GNB4: variants seen among roughly 807,000 people sequenced by gnomAD.
GNB4 encodes the protein guanine nucleotide-binding protein subunit beta-4.
Under a neutral mutation model 45.2 loss-of-function variants are expected in GNB4, and 28 were observed. That is an observed-to-expected ratio of 0.62 (90% confidence interval 0.46 to 0.85). The LOEUF (loss-of-function observed/expected upper bound fraction) is 0.85. Ranked by LOEUF, GNB4 falls within the 40% of genes least tolerant of loss-of-function variation. The pLI is 0.00. For missense variants in GNB4, 321 were observed against 425.4 expected (o/e 0.75, Z 2.16); for synonymous variants, 132 against 143.7 (o/e 0.92, Z 0.58).
chr3:179,492,391 G>A, the GNB4 span, among the ~76,000 whole-genome samples: 1 of 152,152 alleles, frequency 6.6e-6, no homozygotes. Flanking sequence ...CTGCTGTGCT[G>A]CATGCCAAAC....
At chr3:179,511,339 T>C in the GNB4 span, among the ~76,000 whole-genome samples, 2 of 152,344 alleles carry the variant, frequency 1.3e-5, no homozygotes, top group South Asian at 4.1e-4. Flanking sequence ...TCTGATATAC[T>C]CCCTACCCAG....
chr3:179,471,047 T>C, the GNB4 span, among the ~76,000 whole-genome samples: 1 of 151,542 alleles, frequency 6.6e-6, no homozygotes, highest in Admixed American at 6.6e-5. Flanking sequence ...GGCGTTGTGG[T>C]GGGTGCCTGT....
the GNB4 span, among the ~76,000 whole-genome samples, chr3:179,484,662 G>A: frequency 1.3e-5 from 2 of 151,744 alleles, no homozygotes; most frequent in Non-Finnish European, 2.9e-5. Flanking sequence ...CTTAGGCATA[G>A]TGCTGAAGGG....
rs1234481767 is a variant in GNB4 at position 179,399,080 on chromosome 3, CT to C, written c.*2132del. 6.6e-6 allele frequency: 1 copy of C among 152,152 alleles called. No homozygotes were observed. Among genetic ancestry groups the C allele is most frequent in the East Asian group, 1.9e-4 (1 of 5,200 alleles). 9.4% of individuals were successfully genotyped at this position (152,152 alleles called of 1,614,324 possible). ...TCTTCTGACTAACCTACATGGCAAA[CT>C]TTCCCCAACCCTCTTTTTCTGGAAA... On this transcript the variant is annotated 3_prime_UTR_variant, in exon 10 of 10. Coordinates refer to ENST00000232564, the MANE Select transcript of GNB4 (RefSeq NM_021629.4).
chr3:179,403,789 C>T (rs972617781), intron 9 of GNB4, among the ~76,000 whole-genome samples: 1 of 138,344 alleles, frequency 7.2e-6, no homozygotes, highest in Non-Finnish European at 1.6e-5. Flanking sequence ...CAGAGCAAGA[C>T]TCCGTCTCAA....
rs1714798283 is a variant in GNB4 at position 179,416,351 on chromosome 3, CAA to C, written c.267+140_267+141del. 1.0e-5 allele frequency: 6 copies of C among 583,796 alleles called. 1 individual carries two copies. The South Asian group carries it at 1.1e-4, about 11-fold the overall frequency. 36.2% of individuals were successfully genotyped at this position (583,796 alleles called of 1,614,324 possible). A position where few individuals can be genotyped will look rare whatever the true frequency, so the allele number is the denominator to read the frequency against. On this transcript the variant is annotated intron_variant, in intron 5 of 9. Coordinates refer to ENST00000232564, the MANE Select transcript of GNB4 (RefSeq NM_021629.4). ...TAAACATTAAAAGTAAACACTAAGA[CAA>C]AAGAGAAGAACTAGATTAAAATAAA... is the stretch of plus-strand genomic sequence containing the variant.
the GNB4 span, among the ~76,000 whole-genome samples, chr3:179,467,865 G>A: frequency 6.6e-5 from 10 of 151,702 alleles, no homozygotes; most frequent in African/African-American, 2.4e-4. Context: ...AAGTTATGAT[G>A]TAAAATGTGA....
At chr3:179,515,536 C>A in the GNB4 span, among the ~76,000 whole-genome samples, 2 of 152,054 alleles carry the variant, frequency 1.3e-5, no homozygotes, top group Non-Finnish European at 2.9e-5. Flanking sequence ...AGCTTCTGAG[C>A]CAGGAGAAGG....
chr3:179,465,332 G>A, the GNB4 span: 152 of 1,222,956 alleles, frequency 1.2e-4, 1 homozygote, highest in African/African-American at 1.2e-3. Flanking sequence ...GGCCGGGCGC[G>A]GTGGCTCACA....
intron 1 of GNB4, among the ~76,000 whole-genome samples, chr3:179,442,795 TA>T (rs71628078): frequency 1.3e-3 from 198 of 147,418 alleles, no homozygotes; most frequent in Non-Finnish European, 2.0e-3. Flanking sequence ...CCAAGCTAAT[TA>T]AAAAAAAAAA....
At chr3:179,445,954 A>T (rs760838935) in intron 1 of GNB4, among the ~76,000 whole-genome samples, 3 of 152,266 alleles carry the variant, frequency 2.0e-5, no homozygotes, top group African/African-American at 4.8e-5. Flanking sequence ...TATGAAATAT[A>T]GACACTAAGA....
At chr3:179,484,145 T>A in the GNB4 span, among the ~76,000 whole-genome samples, 1 of 152,192 alleles carries the variant, frequency 6.6e-6, no homozygotes, top group Non-Finnish European at 1.5e-5. Context: ...TGAGTACGTA[T>A]CAATAGTATT....
the GNB4 span, among the ~76,000 whole-genome samples, chr3:179,484,640 T>C: frequency 8.8e-3 from 1,342 of 152,232 alleles, 32 homozygotes; most frequent in African/African-American, 0.031. Context: ...ATTTCATTGT[T>C]TTTAAATGGC....
chr3:179,450,598 A>G (rs577568567), intron 1 of GNB4, among the ~76,000 whole-genome samples: 13 of 152,226 alleles, frequency 8.5e-5, no homozygotes, highest in Non-Finnish European at 2.9e-5. Flanking sequence ...AAAAGGGAAC[A>G]CAAGGAGACG....
intron 1 of GNB4, among the ~76,000 whole-genome samples, chr3:179,437,180 T>C (rs1271438201): frequency 6.6e-6 from 1 of 152,188 alleles, no homozygotes; most frequent in Non-Finnish European, 1.5e-5. Context: ...GAAAGGTACA[T>C]TCATTGTATT....
At chr3:179,432,835 T>G (rs1037819674) in intron 1 of GNB4, among the ~76,000 whole-genome samples, 4 of 152,064 alleles carry the variant, frequency 2.6e-5, no homozygotes, top group African/African-American at 7.2e-5. Context: ...ACATCCATAG[T>G]TTAATAAGAA....
chr3:179,458,594 A>G, the GNB4 span, among the ~76,000 whole-genome samples: 56 of 152,322 alleles, frequency 3.7e-4, no homozygotes, highest in Non-Finnish European at 7.2e-4. Flanking sequence ...GAGGATGCTC[A>G]TGTACCTGAT....
rs1189257786 is a variant in GNB4 at position 179,398,578 on chromosome 3, A to G, written c.*2635T>C. 1.3e-5 allele frequency: 2 copies of G among 152,148 alleles called. No homozygotes were observed. The highest frequency in any genetic ancestry group is 4.8e-5 in the African/African-American group (2 of 41,428). 9.4% of individuals were successfully genotyped at this position (152,148 alleles called of 1,614,324 possible). ...AATATTCTTGATGATGCAAATTTTT[A>G]AAAACTAAATCCAGCCAGATTTTTC... On this transcript the variant is annotated 3_prime_UTR_variant, in exon 10 of 10. Coordinates refer to ENST00000232564, the MANE Select transcript of GNB4 (RefSeq NM_021629.4).
the GNB4 span, among the ~76,000 whole-genome samples, chr3:179,473,225 G>T: frequency 1.3e-5 from 2 of 152,008 alleles, no homozygotes; most frequent in Non-Finnish European, 2.9e-5. Flanking sequence ...TATTCTTCTA[G>T]TAAATTCTAG....
Sources: allele counts gnomAD v4.1 joint callset (sites outside exome capture counted in the v4.1 genomes callset), GRCh38; gene constraint gnomAD v4.1.1; transcripts MANE v1.5; gene names NCBI Gene and HGNC (gene_info 2026-07-23, HGNC 2026-07-21).